Variants in GRAMD1B observed in about 807,000 individuals in gnomAD.
GRAMD1B encodes the protein protein Aster-B.
Under a neutral mutation model 99.7 loss-of-function variants are expected in GRAMD1B, and 37 were observed. The observed-to-expected ratio is 0.37, with a 90% CI of 0.29 to 0.49. The LOEUF is 0.49. Ranked by LOEUF, GRAMD1B falls within the 20% of genes least tolerant of loss-of-function variation. GRAMD1B has a pLI of 0.98. For synonymous variants in GRAMD1B, 427 were observed against 387.6 expected, an observed-to-expected ratio of 1.10 and a Z score of -1.19; for missense variants, 888 against 1,009.2, an observed-to-expected ratio of 0.88 and a Z score of 1.63.
At chr11:123,486,560 A>C (rs1214301868) in intron 2 of GRAMD1B, among the ~76,000 whole-genome samples, 2 of 145,672 alleles carry the variant, frequency 1.4e-5, no homozygotes, top group Non-Finnish European at 3.0e-5. Context: ...AAAAGAAAAA[A>C]AAAAAAAAAC....
At chr11:123,414,852 A>G (rs1948172524) in intron 1 of GRAMD1B, among the ~76,000 whole-genome samples, 1 of 152,198 alleles carries the variant, frequency 6.6e-6, no homozygotes, top group South Asian at 2.1e-4. Flanking sequence ...CAATAACTGG[A>G]TAGTGGAGCA....
At chr11:123,459,101 C>T (rs137986038) in intron 1 of GRAMD1B, 1 of 152,242 alleles carries the variant, frequency 6.6e-6, no homozygotes, top group East Asian at 1.9e-4. Flanking sequence ...GTGTAGATGA[C>T]AAAGAACATG....
At chr11:123,522,727 C>T (rs868016781) in intron 2 of GRAMD1B, among the ~76,000 whole-genome samples, 7 of 152,180 alleles carry the variant, frequency 4.6e-5, no homozygotes, top group African/African-American at 1.4e-4. Flanking sequence ...AGATGATGAT[C>T]GCTCAACCCA....
At chr11:123,538,157 T>C (rs1161190447) in intron 2 of GRAMD1B, among the ~76,000 whole-genome samples, 1 of 152,020 alleles carries the variant, frequency 6.6e-6, no homozygotes, top group Non-Finnish European at 1.5e-5. Context: ...TTTATAACTA[T>C]CTCCCATCCA....
chr11:123,410,799 C>T (rs1948020375), intron 1 of GRAMD1B, among the ~76,000 whole-genome samples: 1 of 152,138 alleles, frequency 6.6e-6, no homozygotes, highest in African/African-American at 2.4e-5. Flanking sequence ...CATTAGAAGA[C>T]ATGAGATCAG....
At chr11:123,461,238 C>T (rs933136740) in intron 1 of GRAMD1B, among the ~76,000 whole-genome samples, 16 of 152,216 alleles carry the variant, frequency 1.1e-4, no homozygotes, top group Admixed American at 7.2e-4. Flanking sequence ...TCAGCTGCCC[C>T]GACTGACTCC....
chr11:123,548,319 T>TACACACAC (rs1276539105), intron 2 of GRAMD1B, among the ~76,000 whole-genome samples: 17 of 105,218 alleles, frequency 1.6e-4, no homozygotes, highest in African/African-American at 6.4e-4. Flanking sequence ...TATATATATA[T>TACACACAC]ATATATACAC....
rs1272069804 is a variant in GRAMD1B at position 123,618,781 on chromosome 11, G to A, written c.2407G>A (p.Gly803Ser). ...CACGCAGACCCTCACTGCCTGGCAG[G>A]GTCTAAGGCTCCAAGAAAGGTAATC... Reference protein sequence around the residue: ...YTTQTLTAWQGLRLQERLPQS... With the variant: ...YTTQTLTAWQSLRLQERLPQS... Residue 803 changes from glycine to serine, a missense_variant, in exon 18 of 20, where the codon GGT becomes AGT. This residue lies in a region of GRAMD1B where 232 missense variants were observed against 261.7 expected (regional missense o/e 0.89). Transcript: ENST00000635736. 6.4e-7 allele frequency: 1 copy of A among 1,557,082 alleles called. No individual in the cohort carries two copies. The highest frequency in any genetic ancestry group is 1.8e-5 in the Admixed American group (1 of 54,460).
intron 2 of GRAMD1B, among the ~76,000 whole-genome samples, chr11:123,571,311 C>A (rs1456768558): frequency 6.6e-6 from 1 of 152,054 alleles, no homozygotes; most frequent in Non-Finnish European, 1.5e-5. Flanking sequence ...GAAAGCCAAG[C>A]AAAGTGGTGT....
At chr11:123,417,774 G>C (rs774606856) in intron 1 of GRAMD1B, among the ~76,000 whole-genome samples, 1 of 152,034 alleles carries the variant, frequency 6.6e-6, no homozygotes, top group Non-Finnish European at 1.5e-5. Flanking sequence ...CTGTCTGCAC[G>C]AAAAATATAA....
chr11:123,615,274 G>C lies in GRAMD1B; in HGVS notation c.2318+439G>C, dbSNP rs557775296. Reference sequence around the variant, plus strand: ...ACTCATGGAGCCCACACGTTGGCAGGGTAGCCAGACAAAATCAATGCCTAC... The same window carrying C: ...ACTCATGGAGCCCACACGTTGGCAGCGTAGCCAGACAAAATCAATGCCTAC... On this transcript the variant is annotated intron_variant, in intron 17 of 19. Transcript: ENST00000635736. Among the ~76,000 whole-genome samples the C allele has an allele frequency of 5.3e-4, 81 of 152,296 alleles. No homozygotes were observed. The South Asian group carries it at 0.013, about 24-fold the overall frequency.
intron 10 of GRAMD1B, 129 bp from the exon 11 acceptor site, chr11:123,606,480 C>A: frequency 1.3e-6 from 1 of 787,138 alleles, no homozygotes; most frequent in Non-Finnish European, 2.0e-6. Context: ...TGGAGCCTGA[C>A]TCTGACTTCG....
intron 1 of GRAMD1B, among the ~76,000 whole-genome samples, chr11:123,434,193 G>T (rs1215345540): frequency 7.8e-6 from 1 of 128,124 alleles, no homozygotes; most frequent in East Asian, 2.5e-4. Flanking sequence ...TCTCGCCACT[G>T]CACTCCAGCC....
At chr11:123,447,875 G>A (rs1344517331) in intron 1 of GRAMD1B, among the ~76,000 whole-genome samples, 1 of 152,136 alleles carries the variant, frequency 6.6e-6, no homozygotes, top group Non-Finnish European at 1.5e-5. Flanking sequence ...GATGGGTGCT[G>A]AAAAACTGCC....
intron 10 of GRAMD1B, 100 bp downstream of exon 10, chr11:123,605,578 G>A (rs1048990009): frequency 2.1e-6 from 2 of 934,510 alleles, no homozygotes; most frequent in Non-Finnish European, 3.2e-6. Flanking sequence ...GTAGAGAGGA[G>A]ATTGGTTACA....
At position 123,562,597 on chromosome 11, in the gene GRAMD1B, C is replaced by T. The variant is rs188585373; in HGVS notation, c.453-14770C>T. 2.6e-5 allele frequency among the ~76,000 whole-genome samples: 4 copies of T among 152,228 alleles called. No homozygotes were observed. The East Asian group carries it at 7.7e-4, about 29-fold the overall frequency. Reference sequence around the variant, plus strand: ...AAATATTCTCCAGATGTTTTTCAGCCACTTAAAAATGCAAACACTATTCTT... The same window carrying T: ...AAATATTCTCCAGATGTTTTTCAGCTACTTAAAAATGCAAACACTATTCTT... On this transcript the variant is annotated intron_variant, in intron 2 of 19. Transcript: ENST00000635736.
chr11:123,432,051 C>T (rs1948919325), intron 1 of GRAMD1B: 3 of 398,594 alleles, frequency 7.5e-6, no homozygotes, highest in African/African-American at 2.1e-5. Flanking sequence ...TGTTCTTGTG[C>T]GGAGCAACTG....
chr11:123,446,701 A>C (rs1294267452), intron 1 of GRAMD1B, among the ~76,000 whole-genome samples: 4 of 152,172 alleles, frequency 2.6e-5, no homozygotes, highest in African/African-American at 9.7e-5. Flanking sequence ...CAGGAGAGGT[A>C]ATTCTCACGA....
At chr11:123,612,446 G>A (rs1953719128) in intron 14 of GRAMD1B, among the ~76,000 whole-genome samples, 1 of 152,210 alleles carries the variant, frequency 6.6e-6, no homozygotes, top group South Asian at 2.1e-4. Flanking sequence ...CTGGCAGGCA[G>A]GCTGCTGGGC....
Sources: allele counts gnomAD v4.1 joint callset (sites outside exome capture counted in the v4.1 genomes callset), GRCh38; gene constraint gnomAD v4.1.1; regional missense constraint gnomAD v4.1.1; transcripts MANE v1.5; gene names NCBI Gene and HGNC (gene_info 2026-07-23, HGNC 2026-07-21).